The following MSANTD5 variants were observed in gnomAD, a reference collection of about 807,000 sequenced individuals.
MSANTD5 encodes uncharacterized protein MSANTD5.
At chr5:178,692,843 ACT>A (rs1456002515), downstream of MSANTD5, among the ~76,000 whole-genome samples, 4 of 151,402 alleles carry the variant, frequency 2.6e-5, no homozygotes, top group Middle Eastern at 3.4e-3. Flanking sequence ...TCTTCTGGTG[ACT>A]CTCTTGACTG....
chr5:178,705,709 C>G, the MSANTD5 span, among the ~76,000 whole-genome samples: 35,246 of 151,892 alleles, frequency 0.23, 4,457 homozygotes, highest in South Asian at 0.36. Flanking sequence ...GTAATCCCCA[C>G]CACTTTGGGA....
upstream of MSANTD5, among the ~76,000 whole-genome samples, chr5:178,697,946 G>A (rs1561609706): frequency 6.6e-6 from 1 of 152,150 alleles, no homozygotes; most frequent in Non-Finnish European, 1.5e-5. Context: ...AGATCAACTC[G>A]GCAGGGGTTC....
chr5:178,695,111 T>C (rs1354431653), intron 3 of MSANTD5, among the ~76,000 whole-genome samples, 164 bp from the exon 4 acceptor site: 1 of 151,780 alleles, frequency 6.6e-6, no homozygotes, highest in South Asian at 2.1e-4. Context: ...AAAGGAAAAA[T>C]AGAGGCAGGC....
At chr5:178,694,253 T>C (rs545071631), downstream of MSANTD5, among the ~76,000 whole-genome samples, 10 of 146,110 alleles carry the variant, frequency 6.8e-5, no homozygotes, top group South Asian at 6.5e-4. Flanking sequence ...GAGGCAGAGG[T>C]TGCAGTGAGC....
chr5:178,707,446 C>T, the MSANTD5 span, among the ~76,000 whole-genome samples: 1 of 150,864 alleles, frequency 6.6e-6, no homozygotes, highest in Non-Finnish European at 1.5e-5. Flanking sequence ...TGGCGGGGCG[C>T]GGTGGCTCAC....
chr5:178,693,166 A>G (rs890244754), downstream of MSANTD5, among the ~76,000 whole-genome samples: 1 of 151,836 alleles, frequency 6.6e-6, no homozygotes, highest in Non-Finnish European at 1.5e-5. Flanking sequence ...CAAAAAAATT[A>G]ACCAGACATG....
chr5:178,700,404 C>T (rs988348162), upstream of MSANTD5, among the ~76,000 whole-genome samples: 2 of 152,132 alleles, frequency 1.3e-5, no homozygotes, highest in African/African-American at 4.8e-5. Context: ...ATTTAGTTAT[C>T]CTGGGCTGGT....
chr5:178,700,889 A>T (rs1765470959), upstream of MSANTD5, among the ~76,000 whole-genome samples: 1 of 152,214 alleles, frequency 6.6e-6, no homozygotes, highest in Non-Finnish European at 1.5e-5. Context: ...ATTAGACAGG[A>T]GAGTATGACT....
downstream of MSANTD5, among the ~76,000 whole-genome samples, chr5:178,694,441 G>T (rs1765389563): frequency 6.6e-6 from 1 of 152,010 alleles, no homozygotes; most frequent in Admixed American, 6.5e-5. Flanking sequence ...CAGGAAGCAT[G>T]ATGCAGGAAT....
At chr5:178,696,430 TAGTC>T (rs1429486998) in intron 1 of MSANTD5, among the ~76,000 whole-genome samples, 1 of 152,134 alleles carries the variant, frequency 6.6e-6, no homozygotes, top group Non-Finnish European at 1.5e-5. Flanking sequence ...TTCACCTCGT[TAGTC>T]AGGCTGGTCT....
downstream of MSANTD5, among the ~76,000 whole-genome samples, chr5:178,694,071 CT>C (rs1180499371): frequency 6.6e-6 from 1 of 151,942 alleles, no homozygotes; most frequent in African/African-American, 2.4e-5. Context: ...AATCCCAGCA[CT>C]TTGGGAGGCC....
upstream of MSANTD5, among the ~76,000 whole-genome samples, chr5:178,701,130 C>T (rs560808196): frequency 1.1e-4 from 16 of 152,206 alleles, no homozygotes; most frequent in African/African-American, 2.4e-4. Flanking sequence ...CCCGCCACCA[C>T]GCCCGGCTAA....
downstream of MSANTD5, among the ~76,000 whole-genome samples, chr5:178,693,497 C>G (rs929097561): frequency 6.6e-6 from 1 of 152,002 alleles, no homozygotes; most frequent in East Asian, 1.9e-4. Context: ...GTCTCACTGA[C>G]TTCAACAATG....
At chr5:178,702,670 T>C (rs1397310372), upstream of MSANTD5, among the ~76,000 whole-genome samples, 7 of 152,148 alleles carry the variant, frequency 4.6e-5, no homozygotes, top group East Asian at 1.4e-3. Context: ...CCATCTCAGC[T>C]CACTGCAACC....
chr5:178,696,064 TCTA>T (rs1202666025), intron 2 of MSANTD5, 30 bp downstream of exon 2: 1 of 152,220 alleles, frequency 6.6e-6, no homozygotes, highest in East Asian at 1.9e-4. Flanking sequence ...GAAAATTTTC[TCTA>T]CTACATGTAA....
chr5:178,692,578 T>G (rs901097542), downstream of MSANTD5, among the ~76,000 whole-genome samples: 1 of 151,896 alleles, frequency 6.6e-6, no homozygotes, highest in African/African-American at 2.4e-5. Context: ...TTCTTCTACA[T>G]CCACCCAGTG....
the MSANTD5 span, among the ~76,000 whole-genome samples, chr5:178,705,998 G>T: frequency 6.6e-6 from 1 of 152,092 alleles, no homozygotes. Flanking sequence ...TTGCACGAAT[G>T]AACATCCATT....
the MSANTD5 span, among the ~76,000 whole-genome samples, chr5:178,704,858 G>A: frequency 2.6e-5 from 4 of 152,154 alleles, no homozygotes; most frequent in Non-Finnish European, 4.4e-5. Flanking sequence ...TAACCCAGCC[G>A]TGGAAGGAGA....
chr5:178,702,033 G>A (rs889506157), upstream of MSANTD5, among the ~76,000 whole-genome samples: 2 of 148,116 alleles, frequency 1.4e-5, no homozygotes, highest in East Asian at 2.0e-4. Context: ...GCGCCCGGCC[G>A]AATATTTTTT....
Sources: allele counts gnomAD v4.1 joint callset (sites outside exome capture counted in the v4.1 genomes callset), GRCh38; gene constraint gnomAD v4.1.1; transcripts MANE v1.5; gene names NCBI Gene and HGNC (gene_info 2026-07-23, HGNC 2026-07-21).